Variants in NHS observed in about 807,000 individuals in gnomAD.
NHS encodes the protein actin remodeling regulator NHS.
NHS carries 5 observed loss-of-function variants against 72.5 expected under a neutral mutation model. The observed-to-expected ratio is 0.07, with a 90% confidence interval of 0.04 to 0.14. NHS has a LOEUF of 0.14. Ranked by LOEUF, NHS falls within the 10% of genes least tolerant of loss-of-function variation. The probability of loss-of-function intolerance (pLI) is 1.00; values close to 1 mark genes in which losing one functional copy is unlikely to be tolerated. For missense variants in NHS, 1,072 were observed against 1,355.7 expected (o/e 0.79, Z 3.29); for synonymous variants, 464 against 547.7 (o/e 0.85, Z 2.13).
intron 1 of NHS, among the ~76,000 whole-genome samples, chrX:17,487,199 C>G (rs1187081507): frequency 1.8e-5 from 2 of 112,257 alleles, no homozygotes; most frequent in African/African-American, 6.5e-5. Context: ...CACGAGGACA[C>G]TGAGGCCCAG....
At chrX:17,577,476 G>T (rs977443658) in intron 1 of NHS, among the ~76,000 whole-genome samples, 1 of 111,408 alleles carries the variant, frequency 9.0e-6, no homozygotes, top group Non-Finnish European at 1.9e-5. Context: ...GCCTAAATTG[G>T]AAAATGGAAT....
Position 17,607,674 on chromosome X carries a change from C to G in NHS, c.566-80068C>G, listed in dbSNP as rs186726569. On this transcript the variant is annotated intron_variant, in intron 1 of 8. Coordinates refer to ENST00000676302, the MANE Select transcript of NHS (RefSeq NM_001291867.2). ...AAATGTTCTAAATTTGTGCTGCCTA[C>G]TAGTGAGCCACACTCAATCAAGTGC... Among the ~76,000 whole-genome samples, 98 of 111,415 alleles carry G rather than the reference C, an allele frequency of 8.8e-4. 1 individual carries two copies. Among genetic ancestry groups the G allele is most frequent in the Admixed American group, 7.9e-3 (83 of 10,494 alleles).
At chrX:17,590,939 ATTT>A in intron 1 of NHS, among the ~76,000 whole-genome samples, 1 of 112,009 alleles carries the variant, frequency 8.9e-6, no homozygotes, top group East Asian at 2.8e-4. Context: ...ACTAGTTTAT[ATTT>A]TTCCACTTGA....
In NHS at chrX:17,508,458, A is replaced by T. The variant is rs1350424775; in HGVS notation, c.565+132136A>T. ...TGTATGGATATACCACCTTTTGTTT[A>T]TCTTTTTTGTTGTTGTTTGTTTGTT... is the stretch of plus-strand genomic sequence containing the variant. On this transcript the variant is annotated intron_variant, in intron 1 of 8. Coordinates refer to ENST00000676302, the MANE Select transcript of NHS (RefSeq NM_001291867.2). Among the ~76,000 whole-genome samples, 37 of 107,762 alleles carry T rather than the reference A, an allele frequency of 3.4e-4. No homozygotes were observed. In the Admixed American group the frequency reaches 3.6e-3, roughly 10 times the overall value. The allele number at this position is 107,762 out of a possible 115,157, so 93.6% of individuals were successfully genotyped here.
chrX:17,415,680 T>A (rs185634340), intron 1 of NHS, among the ~76,000 whole-genome samples: 33 of 112,053 alleles, frequency 2.9e-4, no homozygotes, highest in African/African-American at 1.1e-3. Flanking sequence ...CTGGAATTAT[T>A]TCACTTTTGC....
intron 1 of NHS, among the ~76,000 whole-genome samples, chrX:17,468,082 A>T (rs1175385722): frequency 1.8e-5 from 2 of 111,186 alleles, no homozygotes; most frequent in East Asian, 5.6e-4. Context: ...AGACTCATTG[A>T]TCTATCATAA....
At chrX:17,405,821 A>G (rs1485033783) in intron 1 of NHS, among the ~76,000 whole-genome samples, 1 of 111,800 alleles carries the variant, frequency 8.9e-6, no homozygotes, top group African/African-American at 3.3e-5. Flanking sequence ...TGCCTGAGAG[A>G]GAACAGGTGT....
intron 1 of NHS, among the ~76,000 whole-genome samples, chrX:17,425,253 C>T (rs2064646322): frequency 9.0e-6 from 1 of 110,660 alleles, no homozygotes; most frequent in African/African-American, 3.3e-5. Flanking sequence ...GTAGCTCAAC[C>T]GTGATGGAGC....
At chrX:17,718,380 A>G (rs1320551022) in intron 3 of NHS, among the ~76,000 whole-genome samples, 4 of 92,815 alleles carry the variant, frequency 4.3e-5, no homozygotes, top group Non-Finnish European at 6.5e-5. Flanking sequence ...AGAAAGGAAG[A>G]GAGGGAAGAA....
intron 1 of NHS, among the ~76,000 whole-genome samples, chrX:17,673,237 C>G (rs5909275): frequency 0.35 from 33,394 of 94,807 alleles, 5,557 homozygotes; most frequent in Non-Finnish European, 0.48. Context: ...CACACACACA[C>G]AAGAAAGCTC....
intron 1 of NHS, among the ~76,000 whole-genome samples, chrX:17,486,283 A>G (rs775333102): frequency 2.7e-5 from 3 of 112,450 alleles, no homozygotes; most frequent in Non-Finnish European, 5.6e-5. Flanking sequence ...ACCTCAAAGT[A>G]TACAAGCTGT....
At chrX:17,413,971 A>C (rs540991543) in intron 1 of NHS, among the ~76,000 whole-genome samples, 3 of 110,766 alleles carry the variant, frequency 2.7e-5, no homozygotes, top group Middle Eastern at 4.7e-3. Context: ...TACCTTCTAA[A>C]CTCTCAGCTT....
rs189760589 is a variant in NHS at position 17,405,885 on chromosome X, A to G, written c.565+29563A>G. Among the ~76,000 whole-genome samples the G allele has an allele frequency of 1.7e-3, 190 of 112,317 alleles. 1 individual carries two copies. The highest frequency in any genetic ancestry group is 5.8e-3 in the African/African-American group (178 of 30,921). On this transcript the variant is annotated intron_variant, in intron 1 of 8. Coordinates refer to ENST00000676302, the MANE Select transcript of NHS (RefSeq NM_001291867.2). Reference sequence around the variant, plus strand: ...CTGTTTCACAGTTAGAGCATCCCTGAGGCCATGCTTCCTCAACTGAAACAT... The same window carrying G: ...CTGTTTCACAGTTAGAGCATCCCTGGGGCCATGCTTCCTCAACTGAAACAT...
chrX:17,392,475 T>C (rs1168700915), intron 1 of NHS, among the ~76,000 whole-genome samples: 1 of 112,497 alleles, frequency 8.9e-6, no homozygotes, highest in African/African-American at 3.2e-5. Flanking sequence ...TTGATGTTCC[T>C]TCTCTGAATA....
chrX:17,617,589 C>T (rs2065753033), intron 1 of NHS, among the ~76,000 whole-genome samples: 1 of 112,173 alleles, frequency 8.9e-6, no homozygotes, highest in South Asian at 3.7e-4. Context: ...AGATGTGTCA[C>T]CTAAGCCAGT....
chrX:17,626,121 A>G (rs1320410009), intron 1 of NHS, among the ~76,000 whole-genome samples: 1 of 112,539 alleles, frequency 8.9e-6, no homozygotes, highest in Non-Finnish European at 1.9e-5. Context: ...CAAGTGCTCT[A>G]TAACCACATA....
At chrX:17,493,175 G>A (rs2064998948) in intron 1 of NHS, among the ~76,000 whole-genome samples, 1 of 112,143 alleles carries the variant, frequency 8.9e-6, no homozygotes, top group East Asian at 2.8e-4. Context: ...TTCCCTTCCT[G>A]TATTATTTTG....
intron 1 of NHS, among the ~76,000 whole-genome samples, chrX:17,540,226 A>G (rs986239862): frequency 1.8e-5 from 2 of 111,379 alleles, no homozygotes; most frequent in African/African-American, 6.5e-5. Context: ...TTCCACAGTA[A>G]CCCTAGGGAG....
intron 1 of NHS, among the ~76,000 whole-genome samples, chrX:17,476,591 T>G (rs1601723592): frequency 9.1e-6 from 1 of 110,497 alleles, no homozygotes; most frequent in South Asian, 3.9e-4. Flanking sequence ...TGTGTGTGGG[T>G]GTGTGTGTGG....
Sources: allele counts gnomAD v4.1 joint callset (sites outside exome capture counted in the v4.1 genomes callset), GRCh38; gene constraint gnomAD v4.1.1; transcripts MANE v1.5; gene names NCBI Gene and HGNC (gene_info 2026-07-23, HGNC 2026-07-21).